Variants in EFTUD2 observed in about 807,000 individuals in gnomAD.
EFTUD2 encodes 116 kDa U5 small nuclear ribonucleoprotein component.
EFTUD2 carries 9 observed loss-of-function variants against 114.3 expected under a neutral mutation model. That is an observed-to-expected ratio of 0.08 (90% confidence interval 0.05 to 0.14). The LOEUF is 0.14. EFTUD2 is among the 10% of genes least tolerant of loss of function. The pLI is 1.00. For missense variants in EFTUD2, 765 were observed against 1,241.2 expected (o/e 0.62, Z 5.76); for synonymous variants, 449 against 462.3 (o/e 0.97, Z 0.37).
chr17:44,860,316 G>T, intron 17 of EFTUD2, 116 bp downstream of exon 17: 5 of 829,602 alleles, frequency 6.0e-6, no homozygotes. Flanking sequence ...TATCTAGAAG[G>T]CTAAGCCTGA....
intron 9 of EFTUD2, 125 bp downstream of exon 9, chr17:44,879,431 T>C: frequency 1.1e-6 from 1 of 922,192 alleles, no homozygotes; most frequent in Non-Finnish European, 1.7e-6. Context: ...AGAGCAAATT[T>C]GAGCCTTAAT....
Position 44,882,179 on chromosome 17 carries a change from C to G in EFTUD2, c.493-457G>C, listed in dbSNP as rs112950484. Reference sequence around the variant, plus strand: ...GAACTCCTGACCTCATGTGATCCCCCCGGCTCAGCCTCCCAAAGTGCTGGG... The same window carrying G: ...GAACTCCTGACCTCATGTGATCCCCGCGGCTCAGCCTCCCAAAGTGCTGGG... On this transcript the variant is annotated intron_variant, in intron 6 of 27. Coordinates refer to ENST00000426333, the MANE Select transcript of EFTUD2 (RefSeq NM_004247.4). Among the ~76,000 whole-genome samples the G allele has an allele frequency of 6.6e-3, 1,010 of 152,250 alleles. 10 individuals carry two copies. Among genetic ancestry groups the G allele is most frequent in the African/African-American group, 0.015 (616 of 41,564 alleles).
chr17:44,868,416 G>A, intron 11 of EFTUD2, 66 bp from the exon 12 acceptor site: 1 of 1,514,906 alleles, frequency 6.6e-7, no homozygotes, highest in Non-Finnish European at 9.1e-7. Flanking sequence ...TGTTTCAGGT[G>A]CCACAGGTGG....
In EFTUD2 at chr17:44,859,107, C is replaced by T; in HGVS notation, c.1935G>A (p.Arg645=). 6.2e-7 allele frequency: 1 copy of T among 1,613,894 alleles called. No homozygotes were observed. Among genetic ancestry groups the T allele is most frequent in the African/African-American group, 1.3e-5 (1 of 75,046 alleles). ...LYLDCVMHDL[R]KMYSEIDIKV... ...TGATGTCTATCTCTGAGTACATCTT[C>T]CGCAAATCATGCATCACACAGTCCA... is the stretch of plus-strand genomic sequence containing the variant. Residue 645 remains arginine (R), a synonymous_variant, in exon 19 of 28, where the codon CGG becomes CGA. Coordinates refer to ENST00000426333, the MANE Select transcript of EFTUD2 (RefSeq NM_004247.4).
At chr17:44,882,663 A>G (rs2051093542) in intron 6 of EFTUD2, among the ~76,000 whole-genome samples, 1 of 152,252 alleles carries the variant, frequency 6.6e-6, no homozygotes, top group Non-Finnish European at 1.5e-5. Context: ...TTAATGCTAA[A>G]GTGTTAAAAC....
intron 17 of EFTUD2, 112 bp from the exon 18 acceptor site, chr17:44,860,157 A>C (rs1021300193): frequency 3.4e-6 from 5 of 1,480,636 alleles, no homozygotes; most frequent in Admixed American, 1.8e-5. Context: ...GTATTCCCCA[A>C]CCAGGAGCCT....
chr17:44,873,435 A>G (rs1218800156), intron 10 of EFTUD2, among the ~76,000 whole-genome samples: 1 of 151,966 alleles, frequency 6.6e-6, no homozygotes, highest in Admixed American at 6.6e-5. Context: ...CATTCACTGT[A>G]GCCTCGATCT....
Position 44,853,314 on chromosome 17 carries a change from G to C in EFTUD2, c.2543C>G (p.Thr848Ser). Residue 848 changes from threonine to serine, a missense_variant, in exon 25 of 28, where the codon ACC (threonine) becomes AGC (serine). Physicochemically the swap from Thr to Ser is moderately conservative, Grantham distance 58. Around this residue, in one of 6 missense-constraint regions of EFTUD2, gnomAD observed 166 missense variants for 401.5 expected, o/e 0.41. Transcript: ENST00000426333. Reference protein sequence around the residue: ...APADCVSAVYTVLARRRGHVT... With the variant: ...APADCVSAVYSVLARRRGHVT... The stretch of plus-strand genomic sequence containing the variant: ...CGCTCACCTGCGCCTGGCCAGGACG[G>C]TATAAACTGCAGAGACGCAATCTGC... 1 of 1,613,948 alleles carries C rather than the reference G, an allele frequency of 6.2e-7. No homozygotes were observed. Among genetic ancestry groups the C allele is most frequent in the Non-Finnish European group, 8.5e-7 (1 of 1,179,920 alleles).
chr17:44,852,313 A>G (rs2050470372), intron 26 of EFTUD2, 96 bp downstream of exon 26: 1 of 1,506,386 alleles, frequency 6.6e-7, no homozygotes, highest in Admixed American at 1.9e-5. Context: ...AGGATGCTGT[A>G]CACCTCACTT....
chr17:44,872,683 C>G, intron 10 of EFTUD2, 113 bp from the exon 11 acceptor site: 1 of 1,371,068 alleles, frequency 7.3e-7, no homozygotes, highest in Non-Finnish European at 9.7e-7. Flanking sequence ...TCGGAAGGGA[C>G]TTGTGCAAGA....
At chr17:44,858,798 G>A (rs1210534249) in intron 19 of EFTUD2, among the ~76,000 whole-genome samples, 2 of 151,964 alleles carry the variant, frequency 1.3e-5, no homozygotes, top group African/African-American at 4.8e-5. Context: ...TTGTTGCTCA[G>A]GTTGGTCTTG....
chr17:44,884,851 C>T (rs2051137618), intron 4 of EFTUD2, among the ~76,000 whole-genome samples: 1 of 152,176 alleles, frequency 6.6e-6, no homozygotes, highest in South Asian at 2.1e-4. Flanking sequence ...TGTGCCACTG[C>T]ACTACAGCCT....
At chr17:44,880,205 C>T (rs2051046439) in intron 8 of EFTUD2, among the ~76,000 whole-genome samples, 1 of 152,226 alleles carries the variant, frequency 6.6e-6, no homozygotes, top group African/African-American at 2.4e-5. Flanking sequence ...GTTCACCAGT[C>T]TCCTTCAAAA....
chr17:44,886,750 T>C lies in EFTUD2; in HGVS notation c.106A>G (p.Met36Val), dbSNP rs372603308. The C allele has an allele frequency of 4.3e-6, 7 of 1,612,750 alleles. No homozygotes were observed. The highest frequency in any genetic ancestry group is 1.7e-5 in the Admixed American group (1 of 59,780). ...LGRETKDLDE[M>V]DDDDDDDDVG... ...TCATCGTCGTCGTCATCATCATCCA[T>C]CTGAAAGCAAGAGGGAGAGGGAGAA... The change falls in exon 3 of 28, where the codon ATG (methionine) becomes GTG (valine). Residue 36 changes from methionine (M) to valine (V), a missense_variant and splice_region_variant. Physicochemically the swap from Met to Val is conservative, Grantham distance 21. Transcript: ENST00000426333.
At chr17:44,877,984 A>C (rs1452286146) in intron 9 of EFTUD2, among the ~76,000 whole-genome samples, 1 of 151,874 alleles carries the variant, frequency 6.6e-6, no homozygotes, top group Non-Finnish European at 1.5e-5. Flanking sequence ...AAAAATACAA[A>C]AATTATCCAG....
chr17:44,893,391 G>A (rs1478789945), intron 2 of EFTUD2, among the ~76,000 whole-genome samples: 1 of 152,186 alleles, frequency 6.6e-6, no homozygotes, highest in South Asian at 2.1e-4. Flanking sequence ...AAGGTGCTGG[G>A]ATTACAGGCA....
At chr17:44,871,529 C>T (rs2050854637) in intron 11 of EFTUD2, among the ~76,000 whole-genome samples, 2 of 151,534 alleles carry the variant, frequency 1.3e-5, no homozygotes, top group South Asian at 2.1e-4. Flanking sequence ...TTAGTAGAGA[C>T]GGGATTTCAC....
At chr17:44,871,710 G>A (rs2050858811) in intron 11 of EFTUD2, among the ~76,000 whole-genome samples, 1 of 152,130 alleles carries the variant, frequency 6.6e-6, no homozygotes. Flanking sequence ...GAGTGCGGCA[G>A]GACAACTGAC....
intron 8 of EFTUD2, 49 bp downstream of exon 8, chr17:44,880,504 CG>C (rs2051054108): frequency 6.1e-6 from 9 of 1,484,204 alleles, no homozygotes; most frequent in Non-Finnish European, 8.4e-6. Context: ...AGAGGACACA[CG>C]CAAAACCAAG....
Sources: allele counts gnomAD v4.1 joint callset (sites outside exome capture counted in the v4.1 genomes callset), GRCh38; gene constraint gnomAD v4.1.1; regional missense constraint gnomAD v4.1.1; transcripts MANE v1.5; gene names NCBI Gene and HGNC (gene_info 2026-07-23, HGNC 2026-07-21).